The following CACNB4 variants were observed in gnomAD, a reference collection of about 807,000 sequenced individuals.
CACNB4 encodes voltage-dependent L-type calcium channel subunit beta-4.
A neutral mutation model predicts 71.2 loss-of-function variants in CACNB4; 32 were observed. That is an observed-to-expected ratio of 0.45 (90% CI 0.34 to 0.60). The LOEUF (loss-of-function observed/expected upper bound fraction) is 0.60, where lower values mean the gene tolerates loss of function less well. Among genes scored for constraint, CACNB4 ranks in the 20% least tolerant of loss-of-function variants. CACNB4 has a pLI of 0.01. For missense variants in CACNB4, 464 were observed against 647.9 expected, an observed-to-expected ratio of 0.72 and a Z score of 3.08; for synonymous variants, 231 against 236.9, an observed-to-expected ratio of 0.97 and a Z score of 0.23.
intron 4 of CACNB4, among the ~76,000 whole-genome samples, chr2:151,878,886 G>A (rs528607138): frequency 1.0e-3 from 158 of 151,934 alleles, no homozygotes; most frequent in African/African-American, 3.5e-3. Flanking sequence ...ACTCCAGCCT[G>A]GAAAACAGAG....
intron 12 of CACNB4, among the ~76,000 whole-genome samples, chr2:151,846,592 G>A (rs1018181628): frequency 5.3e-5 from 8 of 151,962 alleles, no homozygotes; most frequent in East Asian, 1.9e-4. Flanking sequence ...TCACTCCAAC[G>A]CCCAGGCTGG....
chr2:151,915,659 A>C (rs1454191566), intron 2 of CACNB4, among the ~76,000 whole-genome samples: 1 of 152,280 alleles, frequency 6.6e-6, no homozygotes, highest in East Asian at 1.9e-4. Flanking sequence ...CCTGGCCAAC[A>C]TAGTGAAACC....
chr2:151,956,262 T>G (rs2099868223), intron 2 of CACNB4, among the ~76,000 whole-genome samples: 2 of 152,246 alleles, frequency 1.3e-5, no homozygotes, highest in South Asian at 4.1e-4. Flanking sequence ...CACAGCAGCA[T>G]TATTCATAAC....
chr2:151,963,077 C>T (rs1038486155), intron 2 of CACNB4, among the ~76,000 whole-genome samples: 3 of 151,976 alleles, frequency 2.0e-5, no homozygotes, highest in African/African-American at 7.3e-5. Context: ...CTTTGGGAGG[C>T]CAATGCGGGC....
rs147795909 is a variant in CACNB4 at position 152,016,416 on chromosome 2, T to C, written c.147+81914A>G. ...CAGTAGACTTCTGTATGGGATTCCA[T>C]CAAAATTACTGTATAATTTGATGCA... On this transcript the variant is annotated intron_variant, in intron 2 of 13. Transcript: ENST00000539935. 3.1e-3 allele frequency among the ~76,000 whole-genome samples: 474 copies of C among 152,340 alleles called. 5 individuals carry two copies. Among genetic ancestry groups the C allele is most frequent in the African/African-American group, 0.011 (453 of 41,584 alleles).
chr2:151,974,670 T>C (rs2099873445), intron 2 of CACNB4, among the ~76,000 whole-genome samples: 1 of 152,202 alleles, frequency 6.6e-6, no homozygotes, highest in African/African-American at 2.4e-5. Flanking sequence ...TGAAGTGGCA[T>C]TGGTCTTTTC....
intron 10 of CACNB4, among the ~76,000 whole-genome samples, chr2:151,856,360 G>A (rs1310468235): frequency 1.3e-5 from 2 of 152,152 alleles, no homozygotes; most frequent in Non-Finnish European, 2.9e-5. Flanking sequence ...CTGGAGTGCA[G>A]TGGCATGATC....
chr2:152,029,978 T>C (rs971007505), intron 2 of CACNB4, among the ~76,000 whole-genome samples: 2 of 152,184 alleles, frequency 1.3e-5, no homozygotes, highest in Non-Finnish European at 2.9e-5. Context: ...AGCTGACTAA[T>C]ACAGTCATGC....
Position 151,870,573 on chromosome 2 carries a change from C to G in CACNB4, c.657G>C (p.Met219Ile), listed in dbSNP as rs766548126. The G allele has an allele frequency of 6.2e-7, 1 of 1,613,914 alleles. No individual in the cohort carries two copies. The highest frequency in any genetic ancestry group is 1.1e-5 in the South Asian group (1 of 91,072). Reference protein sequence around the residue: ...HIPPYDVVPSMRPVVLVGPSL... With the variant: ...HIPPYDVVPSIRPVVLVGPSL... ...ACGGCCCCACTAACACCACCGGACG[C>G]ATTGACGGTACAACATCGTAAGGAG... The change falls in exon 8 of 14, where the codon ATG (methionine) becomes ATC (isoleucine). Residue 219 changes from methionine (M) to isoleucine (I), a missense_variant. Met to Ile is a conservative substitution (Grantham distance 10, BLOSUM62 1). Coordinates refer to ENST00000539935, the MANE Select transcript of CACNB4 (RefSeq NM_000726.5).
intron 2 of CACNB4, among the ~76,000 whole-genome samples, chr2:152,029,313 T>G (rs2105175326): frequency 6.6e-6 from 1 of 151,562 alleles, no homozygotes; most frequent in African/African-American, 2.4e-5. Flanking sequence ...GCCAACATGG[T>G]GAAGCCCCGT....
intron 2 of CACNB4, among the ~76,000 whole-genome samples, chr2:152,040,528 G>A (rs1036310101): frequency 2.0e-5 from 3 of 152,138 alleles, no homozygotes; most frequent in Non-Finnish European, 2.9e-5. Flanking sequence ...TGCAACCTCC[G>A]CCCCCTGGGT....
intron 2 of CACNB4, among the ~76,000 whole-genome samples, chr2:151,948,745 A>C (rs2099866185): frequency 6.6e-6 from 1 of 152,138 alleles, no homozygotes; most frequent in Admixed American, 6.5e-5. Context: ...GGGTATTTTG[A>C]AACTACTAGT....
chr2:152,095,497 G>A (rs924745169), intron 2 of CACNB4, among the ~76,000 whole-genome samples: 1 of 151,692 alleles, frequency 6.6e-6, no homozygotes, highest in Admixed American at 6.6e-5. Context: ...ATATGATAAA[G>A]AAACTAGCAA....
intron 2 of CACNB4, among the ~76,000 whole-genome samples, chr2:151,913,628 T>C (rs1329633907): frequency 6.6e-6 from 1 of 150,436 alleles, no homozygotes; most frequent in Non-Finnish European, 1.5e-5. Context: ...TCGCCAGGGG[T>C]GGTGATGGGT....
At chr2:151,959,991 C>T (rs570908032) in intron 2 of CACNB4, among the ~76,000 whole-genome samples, 3 of 152,240 alleles carry the variant, frequency 2.0e-5, no homozygotes, top group Non-Finnish European at 2.9e-5. Flanking sequence ...TCTGCCTCAC[C>T]GTTCTTATAA....
chr2:151,856,492 C>T (rs984317580), intron 10 of CACNB4, among the ~76,000 whole-genome samples: 1 of 152,006 alleles, frequency 6.6e-6, no homozygotes, highest in Non-Finnish European at 1.5e-5. Flanking sequence ...TTAGTAGAAG[C>T]GAGATTTAGC....
At chr2:151,896,733 T>C (rs752642076) in intron 2 of CACNB4, among the ~76,000 whole-genome samples, 6 of 152,236 alleles carry the variant, frequency 3.9e-5, no homozygotes, top group Admixed American at 6.5e-5. Flanking sequence ...GAGGTCATTA[T>C]GGCAGAGGAA....
At chr2:151,924,963 T>C (rs1400247009) in intron 2 of CACNB4, among the ~76,000 whole-genome samples, 1 of 152,212 alleles carries the variant, frequency 6.6e-6, no homozygotes, top group African/African-American at 2.4e-5. Context: ...TAAACAGAGC[T>C]GATAATTCCA....
chr2:152,019,903 C>A (rs945924254), intron 2 of CACNB4, among the ~76,000 whole-genome samples: 5 of 152,200 alleles, frequency 3.3e-5, no homozygotes, highest in African/African-American at 1.2e-4. Flanking sequence ...GGCAAGTCAG[C>A]TGTACCTATG....
Sources: gnomAD v4.1 joint callset for allele counts (sites outside exome capture counted in the v4.1 genomes callset) on GRCh38, gnomAD v4.1.1 for gene constraint, MANE v1.5 for transcripts, NCBI Gene and HGNC (gene_info 2026-07-23, HGNC 2026-07-21) for gene names.